The following XKR6 variants were observed in gnomAD, a reference collection of about 807,000 sequenced individuals.
The protein encoded by XKR6 is XK related 6, also known as XK-related protein 6.
In XKR6, 22 loss-of-function variants were observed where a neutral mutation model predicts 56.7. That is an observed-to-expected ratio of 0.39 (90% CI 0.28 to 0.55). The LOEUF (loss-of-function observed/expected upper bound fraction) is 0.55. Among genes scored for constraint, XKR6 ranks in the 20% least tolerant of loss-of-function variants. The pLI is 0.66. For synonymous variants in XKR6, 524 were observed against 387.8 expected (o/e 1.35, Z -4.13); for missense variants, 852 against 889.0 (o/e 0.96, Z 0.53).
At chr8:11,136,338 C>A (rs1267654411) in intron 1 of XKR6, among the ~76,000 whole-genome samples, 2 of 152,148 alleles carry the variant, frequency 1.3e-5, no homozygotes, top group Non-Finnish European at 2.9e-5. Flanking sequence ...ATGGCAAGAC[C>A]CTGTCTCTAC....
chr8:11,124,411 G>T (rs1345529024), intron 1 of XKR6: 1 of 163,110 alleles, frequency 6.1e-6, no homozygotes, highest in African/African-American at 2.4e-5. Context: ...GTAACTGGCA[G>T]AAACAAGCAC....
intron 1 of XKR6, among the ~76,000 whole-genome samples, chr8:11,077,842 G>T (rs916670425): frequency 6.6e-6 from 1 of 152,226 alleles, no homozygotes; most frequent in Non-Finnish European, 1.5e-5. Flanking sequence ...AGTCACAAGA[G>T]GGGGACCCTG....
intron 2 of XKR6, among the ~76,000 whole-genome samples, chr8:10,918,952 G>A (rs1032011464): frequency 6.6e-6 from 1 of 152,114 alleles, no homozygotes; most frequent in South Asian, 2.1e-4. Context: ...GGTGCTCCTA[G>A]CTCAGCCCTT....
At chr8:11,177,048 T>C (rs903058207) in intron 1 of XKR6, among the ~76,000 whole-genome samples, 4 of 152,106 alleles carry the variant, frequency 2.6e-5, no homozygotes, top group Non-Finnish European at 5.9e-5. Context: ...ACTCTAAAGA[T>C]AGAGAAGCTA....
intron 1 of XKR6, among the ~76,000 whole-genome samples, chr8:11,060,472 G>A (rs114562774): frequency 6.8e-6 from 1 of 148,068 alleles, no homozygotes; most frequent in African/African-American, 2.4e-5. Context: ...GGTGCTCCCT[G>A]TACTCCCAGG....
chr8:11,043,813 A>G (rs184859165), intron 1 of XKR6, among the ~76,000 whole-genome samples: 30 of 152,350 alleles, frequency 2.0e-4, no homozygotes, highest in South Asian at 1.5e-3. Flanking sequence ...ACAACTGACC[A>G]GCATTAATGC....
At chr8:11,031,805 T>C (rs11998417) in intron 1 of XKR6, among the ~76,000 whole-genome samples, 63,093 of 152,216 alleles carry the variant, frequency 0.41, 18,398 homozygotes, top group African/African-American at 0.83. Flanking sequence ...TGGCCCTGCC[T>C]GTATCTTCAT....
Position 11,101,061 on chromosome 8 carries a change from A to G in XKR6, c.764+99515T>C, listed in dbSNP as rs542079731. On this transcript the variant is annotated intron_variant, in intron 1 of 2. Transcript: ENST00000416569. ...AGAGGCTGTCGCTAAAACGCTTTGA[A>G]AAGCATACACACGTGCACACACACA... 5.9e-5 allele frequency among the ~76,000 whole-genome samples: 9 copies of G among 152,338 alleles called. No homozygotes were observed. In the South Asian group the frequency reaches 1.9e-3, roughly 32 times the overall value.
chr8:11,055,967 T>G (rs866925150), intron 1 of XKR6, among the ~76,000 whole-genome samples: 1 of 152,162 alleles, frequency 6.6e-6, no homozygotes, highest in Admixed American at 6.5e-5. Flanking sequence ...ACAGGAAGCC[T>G]GTCTGAAGGC....
At chr8:10,966,946 G>A (rs1375518466) in intron 1 of XKR6, among the ~76,000 whole-genome samples, 1 of 152,072 alleles carries the variant, frequency 6.6e-6, no homozygotes, top group African/African-American at 2.4e-5. Context: ...AATCTCCCCA[G>A]GCAATTACGA....
intron 1 of XKR6, chr8:11,194,565 AT>A (rs1451901183): frequency 6.6e-6 from 1 of 152,280 alleles, no homozygotes; most frequent in African/African-American, 2.4e-5. Context: ...GTAAACTAAA[AT>A]TTTAACCACA....
At chr8:10,956,298 T>C (rs1801884974) in intron 1 of XKR6, among the ~76,000 whole-genome samples, 1 of 146,710 alleles carries the variant, frequency 6.8e-6, no homozygotes, top group South Asian at 2.2e-4. Flanking sequence ...TTCATTTCCT[T>C]TACTTTCTGC....
At chr8:11,051,502 C>A (rs185753381) in intron 1 of XKR6, among the ~76,000 whole-genome samples, 2 of 152,302 alleles carry the variant, frequency 1.3e-5, no homozygotes, top group East Asian at 3.9e-4. Flanking sequence ...TTCGGGCTTC[C>A]CCAGCGGAGT....
At chr8:11,154,520 G>A (rs1409225099) in intron 1 of XKR6, among the ~76,000 whole-genome samples, 1 of 152,198 alleles carries the variant, frequency 6.6e-6, no homozygotes, top group Non-Finnish European at 1.5e-5. Context: ...AAGTGTAACA[G>A]CTTTCAGTGA....
chr8:10,938,762 T>G (rs1801303184), intron 1 of XKR6, among the ~76,000 whole-genome samples: 1 of 152,130 alleles, frequency 6.6e-6, no homozygotes, highest in Non-Finnish European at 1.5e-5. Context: ...TGTGAGCTGA[T>G]TATGGTGGTG....
At chr8:11,093,842 G>A (rs574399557) in intron 1 of XKR6, among the ~76,000 whole-genome samples, 17 of 152,046 alleles carry the variant, frequency 1.1e-4, no homozygotes, top group African/African-American at 4.1e-4. Flanking sequence ...GGAGTGCAGT[G>A]GCGTGATCTC....
chr8:11,197,027 C>G (rs1272956669), intron 1 of XKR6, among the ~76,000 whole-genome samples: 1 of 152,150 alleles, frequency 6.6e-6, no homozygotes, highest in Non-Finnish European at 1.5e-5. Context: ...GAAAACAACG[C>G]TAAAACAGAG....
intron 2 of XKR6, among the ~76,000 whole-genome samples, chr8:10,923,434 C>G (rs909417242): frequency 6.6e-6 from 1 of 152,192 alleles, no homozygotes; most frequent in Non-Finnish European, 1.5e-5. Context: ...ATAGGACAGG[C>G]GAGCCTGTCA....
intron 1 of XKR6, among the ~76,000 whole-genome samples, chr8:11,017,224 C>G (rs1030647375): frequency 1.6e-4 from 24 of 152,160 alleles, no homozygotes; most frequent in African/African-American, 5.1e-4. Flanking sequence ...GATAGGTAGG[C>G]AGTGGGTAGA....
Sources: gnomAD v4.1 joint callset for allele counts (sites outside exome capture counted in the v4.1 genomes callset) on GRCh38, gnomAD v4.1.1 for gene constraint, MANE v1.5 for transcripts, NCBI Gene and HGNC (gene_info 2026-07-23, HGNC 2026-07-21) for gene names.